Variants in WWOX observed in about 807,000 individuals in gnomAD.
WWOX encodes WW domain containing oxidoreductase, also known as WW domain-containing oxidoreductase.
A neutral mutation model predicts 46.2 loss-of-function variants in WWOX; 69 were observed. That is an observed-to-expected ratio of 1.49 (90% CI 1.23 to 1.82). The LOEUF (loss-of-function observed/expected upper bound fraction) is 1.82, where lower values mean the gene tolerates loss of function less well. WWOX is among the 40% of genes most tolerant of loss of function. WWOX has a pLI of 0.00. For synonymous variants in WWOX, 359 were observed against 202.6 expected, an observed-to-expected ratio of 1.77 and a Z score of -6.56; for missense variants, 919 against 542.6, an observed-to-expected ratio of 1.69 and a Z score of -6.89.
At chr16:78,769,497 T>C (rs1452499346) in intron 8 of WWOX, among the ~76,000 whole-genome samples, 2 of 151,798 alleles carry the variant, frequency 1.3e-5, no homozygotes, top group African/African-American at 2.4e-5. Context: ...AATGGGTAAT[T>C]AACAAATGTA....
At chr16:78,624,915 C>G (rs1423648413) in intron 8 of WWOX, among the ~76,000 whole-genome samples, 1 of 152,168 alleles carries the variant, frequency 6.6e-6, no homozygotes, top group South Asian at 2.1e-4. Context: ...AGTCTGTACA[C>G]ACAAAACCCT....
chr16:78,874,887 C>T (rs2044204548), intron 8 of WWOX, among the ~76,000 whole-genome samples: 1 of 151,946 alleles, frequency 6.6e-6, no homozygotes, highest in Non-Finnish European at 1.5e-5. Context: ...CTCAGATAGG[C>T]CCAAGAGCTC....
At chr16:79,026,931 C>T (rs916835880) in intron 8 of WWOX, among the ~76,000 whole-genome samples, 10 of 151,404 alleles carry the variant, frequency 6.6e-5, no homozygotes, top group African/African-American at 2.4e-4. Context: ...GCCTGGGCGG[C>T]ACGTGGTAGA....
chr16:78,407,643 C>G (rs1379861202), intron 6 of WWOX, among the ~76,000 whole-genome samples: 2 of 152,150 alleles, frequency 1.3e-5, no homozygotes, highest in Admixed American at 1.3e-4. Flanking sequence ...ATGGGTTTGT[C>G]TTGTCTCCAC....
intron 8 of WWOX, among the ~76,000 whole-genome samples, chr16:78,732,588 TGTG>T (rs1000322542): frequency 6.6e-5 from 10 of 152,198 alleles, no homozygotes; most frequent in African/African-American, 1.7e-4. Context: ...TTGATAAAGA[TGTG>T]GTAACTGGGC....
At chr16:78,464,131 C>T (rs560539222) in intron 8 of WWOX, among the ~76,000 whole-genome samples, 1 of 152,026 alleles carries the variant, frequency 6.6e-6, no homozygotes, top group Non-Finnish European at 1.5e-5. Flanking sequence ...AGAGATGTGG[C>T]ATGAGGAACA....
chr16:78,116,099 T>A (rs2032773061), intron 4 of WWOX, among the ~76,000 whole-genome samples: 1 of 152,214 alleles, frequency 6.6e-6, no homozygotes, highest in Non-Finnish European at 1.5e-5. Context: ...AGTCACATCA[T>A]GGAGAATGGG....
At chr16:79,086,055 G>A (rs2048848360) in intron 8 of WWOX, among the ~76,000 whole-genome samples, 1 of 133,364 alleles carries the variant, frequency 7.5e-6, no homozygotes, top group Non-Finnish European at 1.6e-5. Flanking sequence ...GTGGGCAACA[G>A]TGTGAGACCC....
chr16:78,162,472 A>AT (rs2034827094), intron 4 of WWOX, among the ~76,000 whole-genome samples: 1 of 150,750 alleles, frequency 6.6e-6, no homozygotes, highest in Non-Finnish European at 1.5e-5. Flanking sequence ...CACAGACATA[A>AT]ATATATATAT....
At chr16:78,477,406 G>A (rs1156866613) in intron 8 of WWOX, among the ~76,000 whole-genome samples, 1 of 151,602 alleles carries the variant, frequency 6.6e-6, no homozygotes, top group Non-Finnish European at 1.5e-5. Context: ...CTTTTTTTAA[G>A]TGTTACTGTG....
intron 5 of WWOX, among the ~76,000 whole-genome samples, chr16:78,277,904 G>A (rs549937996): frequency 6.6e-6 from 1 of 152,262 alleles, no homozygotes; most frequent in South Asian, 2.1e-4. Context: ...CTAACACCGT[G>A]GAAATTTTTG....
intron 8 of WWOX, among the ~76,000 whole-genome samples, chr16:78,723,289 C>T (rs1034130189): frequency 2.2e-4 from 34 of 152,238 alleles, no homozygotes; most frequent in East Asian, 1.2e-3. Context: ...TTGAAAACTC[C>T]CAGCATCATG....
rs1429373157 is a variant in WWOX, at chr16:78,385,154, C to CAT, written c.517-1705_517-1704insTA. ...ATCTAAACACACACACACACACACA[C>CAT]ACACACAAAAGCACAGGGCTTTGTT... On this transcript the variant is annotated intron_variant, in intron 5 of 8. Coordinates refer to ENST00000566780, the MANE Select transcript of WWOX (RefSeq NM_016373.4). Among the ~76,000 whole-genome samples, 72 of 151,922 alleles carry CAT rather than the reference C, an allele frequency of 4.7e-4. 1 individual carries two copies. Among genetic ancestry groups the CAT allele is most frequent in the Admixed American group, 3.3e-4 (5 of 15,244 alleles).
At chr16:78,767,482 CTG>C (rs3051061) in intron 8 of WWOX, among the ~76,000 whole-genome samples, 28,627 of 142,918 alleles carry the variant, frequency 0.2, 2,842 homozygotes, top group South Asian at 0.24. Context: ...GTGTGTGTGT[CTG>C]TGTGTGTGTG....
rs142691061 is a variant in WWOX at position 79,089,490 on chromosome 16, C to G, written c.1057-122118C>G. Among the ~76,000 whole-genome samples, 1,091 of 152,126 alleles carry G rather than the reference C, an allele frequency of 7.2e-3. 12 individuals carry two copies. Among genetic ancestry groups the G allele is most frequent in the African/African-American group, 0.025 (1,028 of 41,504 alleles). ...GGGACTACAGGCACACGCCACCACG[C>G]CTGGCTAATTTTTGTATTTTTAATA... On this transcript the variant is annotated intron_variant, in intron 8 of 8. Transcript: ENST00000566780.
rs1213310142 is a variant in WWOX, at chr16:78,579,018, G to A, written c.1056+146266G>A. On this transcript the variant is annotated intron_variant, in intron 8 of 8. Coordinates refer to ENST00000566780, the MANE Select transcript of WWOX (RefSeq NM_016373.4). ...CATTAGTATTACATTATACATCTTAGGCATTTTTTTCCTTTGCCCTTTTCG... is the reference window on the plus strand; with the variant it reads ...CATTAGTATTACATTATACATCTTAAGCATTTTTTTCCTTTGCCCTTTTCG... Among the ~76,000 whole-genome samples the A allele has an allele frequency of 2.6e-5, 4 of 152,086 alleles. No individual in the cohort carries two copies. The East Asian group carries it at 5.8e-4, about 22-fold the overall frequency.
intron 8 of WWOX, among the ~76,000 whole-genome samples, chr16:79,209,043 C>A (rs1043663914): frequency 1.3e-5 from 2 of 151,968 alleles, no homozygotes; most frequent in African/African-American, 4.8e-5. Context: ...CTCCTGTGTA[C>A]TGTGTTCTAC....
intron 8 of WWOX, among the ~76,000 whole-genome samples, chr16:78,630,959 T>C (rs1253669676): frequency 5.3e-5 from 8 of 152,196 alleles, no homozygotes. Flanking sequence ...GTGGTATCTG[T>C]ACTGAAAATG....
chr16:79,155,265 A>C (rs1470966519), intron 8 of WWOX, among the ~76,000 whole-genome samples: 1 of 151,990 alleles, frequency 6.6e-6, no homozygotes, highest in East Asian at 1.9e-4. Flanking sequence ...AGTTCCAGCT[A>C]CTCGGGAGGC....
Sources: allele counts gnomAD v4.1 joint callset (sites outside exome capture counted in the v4.1 genomes callset), GRCh38; gene constraint gnomAD v4.1.1; transcripts MANE v1.5; gene names NCBI Gene and HGNC (gene_info 2026-07-23, HGNC 2026-07-21).